The following GRIN2B variants were observed in gnomAD, a reference collection of about 807,000 sequenced individuals.
The protein encoded by GRIN2B is glutamate receptor ionotropic, NMDA 2B.
Under a neutral mutation model 114.5 loss-of-function variants are expected in GRIN2B, and 5 were observed. The observed-to-expected ratio is 0.04, with a 90% confidence interval of 0.02 to 0.09. GRIN2B has a LOEUF of 0.09. GRIN2B is among the 10% of genes least tolerant of loss of function. GRIN2B has a pLI of 1.00. For missense variants in GRIN2B, 1,108 were observed against 1,943.5 expected (o/e 0.57, Z 8.08); for synonymous variants, 787 against 745.1 (o/e 1.06, Z -0.92).
chr12:13,680,911 C>T (rs1014122525), intron 4 of GRIN2B, among the ~76,000 whole-genome samples: 3 of 152,186 alleles, frequency 2.0e-5, no homozygotes, highest in African/African-American at 7.2e-5. Context: ...GAGAAAGAGC[C>T]TCAGAATCCT....
chr12:13,806,334 C>T (rs1864599401), intron 3 of GRIN2B, among the ~76,000 whole-genome samples: 1 of 152,100 alleles, frequency 6.6e-6, no homozygotes, highest in African/African-American at 2.4e-5. Context: ...AATTTACATT[C>T]TCACCCACGG....
At chr12:13,932,230 G>A (rs933917156) in intron 2 of GRIN2B, among the ~76,000 whole-genome samples, 2 of 152,110 alleles carry the variant, frequency 1.3e-5, no homozygotes, top group African/African-American at 4.8e-5. Flanking sequence ...CTGGTTGTTG[G>A]TTCTCTAGTG....
chr12:13,730,294 T>C (rs995748221), intron 4 of GRIN2B, among the ~76,000 whole-genome samples: 2 of 152,182 alleles, frequency 1.3e-5, no homozygotes, highest in African/African-American at 4.8e-5. Context: ...AAATACAATG[T>C]TTTATTCAAT....
chr12:13,971,165 T>C (rs79899524), intron 2 of GRIN2B, among the ~76,000 whole-genome samples: 1 of 152,304 alleles, frequency 6.6e-6, no homozygotes, highest in East Asian at 1.9e-4. Flanking sequence ...CCTAAATATT[T>C]AGTGCCTCAC....
At chr12:13,806,024 T>C (rs1025439605) in intron 3 of GRIN2B, among the ~76,000 whole-genome samples, 1 of 152,198 alleles carries the variant, frequency 6.6e-6, no homozygotes, top group Non-Finnish European at 1.5e-5. Context: ...CAAAATGTCC[T>C]CCAGATTCAT....
chr12:13,939,543 C>CTTTTTTTT (rs59671145), intron 2 of GRIN2B, among the ~76,000 whole-genome samples: 1 of 88,044 alleles, frequency 1.1e-5, no homozygotes, highest in African/African-American at 4.4e-5. Context: ...CTGCACCGTG[C>CTTTTTTTT]TTTTTTTTTT....
At chr12:13,604,343 G>A (rs749343540) in intron 10 of GRIN2B, among the ~76,000 whole-genome samples, 8 of 152,092 alleles carry the variant, frequency 5.3e-5, no homozygotes, top group Middle Eastern at 6.3e-3. Flanking sequence ...TTTAACTCTC[G>A]TTTTCTACCT....
chr12:13,782,205 G>A (rs1003863306), intron 3 of GRIN2B, among the ~76,000 whole-genome samples: 5 of 152,120 alleles, frequency 3.3e-5, no homozygotes, highest in African/African-American at 1.2e-4. Context: ...GAAGGCTACA[G>A]AGAAAAATGA....
chr12:13,726,606 G>C (rs762839647), intron 4 of GRIN2B, among the ~76,000 whole-genome samples: 97 of 145,136 alleles, frequency 6.7e-4, no homozygotes, highest in Non-Finnish European at 1.1e-3. Flanking sequence ...ATTTACTCAA[G>C]CCACATACTA....
chr12:13,729,051 C>T (rs1030856717), intron 4 of GRIN2B, among the ~76,000 whole-genome samples: 25 of 152,168 alleles, frequency 1.6e-4, no homozygotes, highest in African/African-American at 5.1e-4. Flanking sequence ...TTCTCACTTA[C>T]GGTATTGTGT....
rs571299643 is a variant in GRIN2B at position 13,627,216 on chromosome 12, G to A, written c.1126-10559C>T. On this transcript the variant is annotated intron_variant, in intron 5 of 13. Coordinates refer to ENST00000609686, the MANE Select transcript of GRIN2B (RefSeq NM_000834.5). ...AGATATATGACAGCATCAGAGTCCC[G>A]GTTTATGGCTATTCTGGGGGCTCAA... Among the ~76,000 whole-genome samples the A allele has an allele frequency of 6.1e-4, 93 of 152,156 alleles. 1 individual carries two copies. Among genetic ancestry groups the A allele is most frequent in the Admixed American group, 2.4e-3 (36 of 15,290 alleles).
At chr12:13,664,972 C>T (rs1456905596) in intron 5 of GRIN2B, among the ~76,000 whole-genome samples, 1 of 152,128 alleles carries the variant, frequency 6.6e-6, no homozygotes, top group African/African-American at 2.4e-5. Context: ...TTTAGAAAAG[C>T]TTTTAATTCA....
intron 3 of GRIN2B, among the ~76,000 whole-genome samples, chr12:13,819,266 C>A (rs1864887265): frequency 6.6e-6 from 1 of 152,182 alleles, no homozygotes; most frequent in Admixed American, 6.5e-5. Context: ...ACACCTTGAT[C>A]TTGCACTTCT....
chr12:13,572,690 G>A (rs567899879), intron 10 of GRIN2B, among the ~76,000 whole-genome samples: 11 of 152,222 alleles, frequency 7.2e-5, no homozygotes, highest in Non-Finnish European at 1.0e-4. Context: ...CCTGCAATGC[G>A]TAAGTCTTTA....
At chr12:13,630,807 T>C (rs1949609885) in intron 5 of GRIN2B, among the ~76,000 whole-genome samples, 1 of 152,152 alleles carries the variant, frequency 6.6e-6, no homozygotes, top group African/African-American at 2.4e-5. Context: ...TTCGAGGTGG[T>C]TGTTACACAG....
At chr12:13,774,406 T>C (rs1863965125) in intron 3 of GRIN2B, among the ~76,000 whole-genome samples, 1 of 152,164 alleles carries the variant, frequency 6.6e-6, no homozygotes, top group South Asian at 2.1e-4. Context: ...CCAGTGTGAC[T>C]TCAAGTCAAT....
At chr12:13,754,639 A>G (rs1409553414) in intron 3 of GRIN2B, among the ~76,000 whole-genome samples, 5 of 152,224 alleles carry the variant, frequency 3.3e-5, no homozygotes, top group Non-Finnish European at 7.3e-5. Flanking sequence ...CTACTCTGAT[A>G]ATAATATATG....
In GRIN2B at chr12:13,547,419, A is replaced by G. The variant is rs1948357455; in HGVS notation, c.*15364T>C. 6.6e-6 allele frequency: 1 copy of G among 152,308 alleles called. No homozygotes were observed. The highest frequency in any genetic ancestry group is 6.5e-5 in the Admixed American group (1 of 15,302). 9.4% of individuals were successfully genotyped at this position (152,308 alleles called of 1,614,324 possible). A position where few individuals can be genotyped will look rare whatever the true frequency, so the allele number is the denominator to read the frequency against. ...TGATCATGTGTCTCAAAGAAGAGAT[A>G]ACTTTGAGGGAGAGGATGAAAACTG... is the stretch of plus-strand genomic sequence containing the variant. On this transcript the variant is annotated 3_prime_UTR_variant, in exon 14 of 14. Coordinates refer to ENST00000609686, the MANE Select transcript of GRIN2B (RefSeq NM_000834.5).
intron 10 of GRIN2B, among the ~76,000 whole-genome samples, chr12:13,577,371 A>G (rs1948790226): frequency 1.3e-5 from 2 of 152,202 alleles, no homozygotes; most frequent in Non-Finnish European, 2.9e-5. Flanking sequence ...AGCTGTTCAG[A>G]TCATCTCAGC....
Sources: allele counts gnomAD v4.1 joint callset (sites outside exome capture counted in the v4.1 genomes callset), GRCh38; gene constraint gnomAD v4.1.1; transcripts MANE v1.5; gene names NCBI Gene and HGNC (gene_info 2026-07-23, HGNC 2026-07-21).